DACH2: variants seen among roughly 807,000 people sequenced by gnomAD.
DACH2 encodes dachshund family transcription factor 2.
Under a neutral mutation model 35.8 loss-of-function variants are expected in DACH2, and 17 were observed. The observed-to-expected ratio is 0.48, with a 90% CI of 0.33 to 0.71. The LOEUF is 0.71. Among genes scored for constraint, DACH2 ranks in the 30% least tolerant of loss-of-function variants. The pLI is 0.02. For missense variants in DACH2, 469 were observed against 472.7 expected (o/e 0.99, Z 0.07); for synonymous variants, 195 against 177.3 (o/e 1.10, Z -0.79).
intron 1 of DACH2, chrX:86,304,619 T>G (rs746840493): frequency 6.1e-5 from 10 of 164,646 alleles, no homozygotes; most frequent in Non-Finnish European, 1.1e-4. Context: ...GCAGGACTCC[T>G]ACCTCCGTTC....
At chrX:86,711,970 A>G (rs2041284369) in intron 5 of DACH2, among the ~76,000 whole-genome samples, 1 of 111,649 alleles carries the variant, frequency 9.0e-6, no homozygotes. Flanking sequence ...ATCTTTGGAG[A>G]ATGAGGAAAG....
intron 6 of DACH2, among the ~76,000 whole-genome samples, chrX:86,724,877 T>C (rs1352950548): frequency 9.0e-6 from 1 of 111,077 alleles, no homozygotes; most frequent in Non-Finnish European, 1.9e-5. Context: ...CTTTATTCAT[T>C]CTTTTAATTA....
At chrX:86,266,940 G>T (rs1183172583) in intron 1 of DACH2, among the ~76,000 whole-genome samples, 1 of 111,786 alleles carries the variant, frequency 8.9e-6, no homozygotes, top group Non-Finnish European at 1.9e-5. Context: ...AAATAATTCA[G>T]ATGGTCTGAA....
intron 1 of DACH2, chrX:86,161,129 G>T (rs753269130): frequency 8.0e-6 from 9 of 1,129,110 alleles, no homozygotes; most frequent in Non-Finnish European, 1.1e-5. Context: ...TAATGTAAGT[G>T]CTGACTTCCT....
chrX:86,537,963 C>T (rs979636498), intron 3 of DACH2, among the ~76,000 whole-genome samples: 1 of 110,927 alleles, frequency 9.0e-6, no homozygotes, highest in Non-Finnish European at 1.9e-5. Flanking sequence ...CCCTGCCCAC[C>T]AGAGAACAAC....
intron 11 of DACH2, among the ~76,000 whole-genome samples, chrX:86,821,790 C>T (rs528338173): frequency 1.8e-5 from 2 of 111,562 alleles, no homozygotes; most frequent in Middle Eastern, 9.2e-3. Context: ...TGGTAACATA[C>T]AATCTCATAT....
intron 2 of DACH2, among the ~76,000 whole-genome samples, chrX:86,384,256 A>G (rs2036091083): frequency 9.0e-6 from 1 of 111,348 alleles, no homozygotes; most frequent in South Asian, 3.7e-4. Flanking sequence ...TCATTAATTT[A>G]CAAAAGAGTG....
At chrX:86,437,376 G>A (rs1281761043) in intron 2 of DACH2, among the ~76,000 whole-genome samples, 1 of 111,243 alleles carries the variant, frequency 9.0e-6, no homozygotes, top group Non-Finnish European at 1.9e-5. Context: ...TTATTAAAAT[G>A]TATACATTCT....
chrX:86,342,389 T>C (rs985111056), intron 1 of DACH2, among the ~76,000 whole-genome samples: 1 of 110,914 alleles, frequency 9.0e-6, no homozygotes, highest in Non-Finnish European at 1.9e-5. Context: ...TAGTCCCAGA[T>C]ACCCAGGAAG....
At chrX:86,732,772 A>G (rs2041546208) in intron 6 of DACH2, among the ~76,000 whole-genome samples, 1 of 112,185 alleles carries the variant, frequency 8.9e-6, no homozygotes, top group Non-Finnish European at 1.9e-5. Flanking sequence ...ACATTCAATA[A>G]TCCATATAGA....
chrX:86,642,220 C>T (rs928043935), intron 3 of DACH2, among the ~76,000 whole-genome samples: 6 of 111,168 alleles, frequency 5.4e-5, no homozygotes, highest in South Asian at 3.7e-4. Context: ...ATCCACCTCA[C>T]GTCATGACAC....
chrX:86,441,466 GA>G (rs1311224287), intron 2 of DACH2, among the ~76,000 whole-genome samples: 1 of 97,108 alleles, frequency 1.0e-5, no homozygotes, highest in Admixed American at 1.2e-4. Flanking sequence ...TTTTATGACT[GA>G]AAAGTATTCC....
intron 3 of DACH2, among the ~76,000 whole-genome samples, chrX:86,581,709 C>T (rs1387188721): frequency 2.7e-5 from 3 of 111,513 alleles, no homozygotes; most frequent in Non-Finnish European, 5.7e-5. Context: ...TAGATACACC[C>T]AACACAAGAG....
intron 7 of DACH2, among the ~76,000 whole-genome samples, chrX:86,751,678 C>G (rs2041774454): frequency 9.1e-6 from 1 of 109,592 alleles, no homozygotes; most frequent in Non-Finnish European, 1.9e-5. Context: ...ACACAAAAAA[C>G]AAGAAGACAG....
intron 1 of DACH2, among the ~76,000 whole-genome samples, chrX:86,355,255 A>G (rs1024996117): frequency 7.1e-5 from 8 of 112,015 alleles, no homozygotes; most frequent in Non-Finnish European, 1.1e-4. Flanking sequence ...TTATGGCTGC[A>G]TAGTATTTCA....
intron 3 of DACH2, among the ~76,000 whole-genome samples, chrX:86,610,310 T>G (rs974325752): frequency 1.8e-5 from 2 of 111,264 alleles, no homozygotes; most frequent in Non-Finnish European, 3.8e-5. Context: ...TTTCTTTCTT[T>G]CTTTCTTTCT....
intron 1 of DACH2, among the ~76,000 whole-genome samples, chrX:86,263,534 T>C (rs2033663254): frequency 9.0e-6 from 1 of 111,674 alleles, no homozygotes; most frequent in Admixed American, 9.6e-5. Flanking sequence ...TTGAATTTAA[T>C]TGAATAAATT....
chrX:86,495,749 G>T (rs777107796), intron 2 of DACH2, among the ~76,000 whole-genome samples: 10 of 109,626 alleles, frequency 9.1e-5, no homozygotes, highest in African/African-American at 3.3e-4. Context: ...TCAGCCCAAG[G>T]GTTTGAGGCT....
Position 86,795,116 on chromosome X carries a change from A to G in DACH2, c.1241-17740A>G, listed in dbSNP as rs144146116. Among the ~76,000 whole-genome samples, 229 of 111,781 alleles carry G rather than the reference A, an allele frequency of 2.0e-3. 6 individuals carry two copies. The highest frequency in any genetic ancestry group is 7.0e-3 in the African/African-American group (216 of 30,762). ...AATGAATAATGCAGGAGAGGTGACAATGGACAGAAAGGCAGTGAGCAAAGT... is the reference window on the plus strand; with the variant it reads ...AATGAATAATGCAGGAGAGGTGACAGTGGACAGAAAGGCAGTGAGCAAAGT... On this transcript the variant is annotated intron_variant, in intron 7 of 11. Transcript: ENST00000373125.
Sources: allele counts gnomAD v4.1 joint callset (sites outside exome capture counted in the v4.1 genomes callset), GRCh38; gene constraint gnomAD v4.1.1; transcripts MANE v1.5; gene names NCBI Gene and HGNC (gene_info 2026-07-23, HGNC 2026-07-21).